The following SUV39H2 variants were observed in gnomAD, a reference collection of about 807,000 sequenced individuals.
SUV39H2 encodes the protein histone-lysine N-methyltransferase SUV39H2.
A neutral mutation model predicts 47.5 loss-of-function variants in SUV39H2; 10 were observed. The observed-to-expected ratio is 0.21, with a 90% CI of 0.13 to 0.36. The LOEUF is 0.36. SUV39H2 is among the 10% of genes least tolerant of loss of function. The pLI, the probability that SUV39H2 is intolerant of heterozygous loss-of-function variation, is 1.00. For missense variants in SUV39H2, 266 were observed against 487.4 expected (o/e 0.55, Z 4.28); for synonymous variants, 159 against 166.8 (o/e 0.95, Z 0.36).
chr10:14,901,434 C>G (rs1259047523), intron 5 of SUV39H2, among the ~76,000 whole-genome samples, 172 bp downstream of exon 5: 2 of 152,180 alleles, frequency 1.3e-5, no homozygotes, highest in Admixed American at 1.3e-4. Flanking sequence ...ATACTAGAAC[C>G]CAGGTCTGCC....
intron 2 of SUV39H2, among the ~76,000 whole-genome samples, chr10:14,895,537 A>G (rs1833548495): frequency 6.6e-6 from 1 of 152,196 alleles, no homozygotes; most frequent in African/African-American, 2.4e-5. Flanking sequence ...GGAGGAAAAC[A>G]TAGTCATTGG....
intron 4 of SUV39H2, 41 bp downstream of exon 4, chr10:14,899,726 C>A: frequency 6.2e-7 from 1 of 1,600,762 alleles, no homozygotes; most frequent in Non-Finnish European, 8.5e-7. Context: ...ACTAACAATT[C>A]AACCTAGTAC....
intron 2 of SUV39H2, among the ~76,000 whole-genome samples, chr10:14,894,928 T>C (rs1363673015): frequency 6.6e-6 from 1 of 152,174 alleles, no homozygotes; most frequent in Non-Finnish European, 1.5e-5. Flanking sequence ...ATAAAAACTT[T>C]CTTAAAATTT....
At chr10:14,895,112 C>G (rs986140983) in intron 2 of SUV39H2, among the ~76,000 whole-genome samples, 4 of 151,984 alleles carry the variant, frequency 2.6e-5, no homozygotes, top group Non-Finnish European at 5.9e-5. Context: ...AAAAAAATTA[C>G]TGAGACTTTA....
chr10:14,896,288 C>T (rs1833603898), intron 2 of SUV39H2, among the ~76,000 whole-genome samples: 1 of 152,158 alleles, frequency 6.6e-6, no homozygotes, highest in Admixed American at 6.5e-5. Context: ...AGATTGGCCA[C>T]ATTTCAAGTT....
chr10:14,893,273 G>T (rs939653413), intron 2 of SUV39H2, among the ~76,000 whole-genome samples: 3 of 152,010 alleles, frequency 2.0e-5, no homozygotes, highest in Non-Finnish European at 2.9e-5. Context: ...AAAGTGCTGG[G>T]ATTACAGGCG....
intron 2 of SUV39H2, among the ~76,000 whole-genome samples, chr10:14,892,135 G>A (rs1833408755): frequency 6.6e-6 from 1 of 152,194 alleles, no homozygotes; most frequent in South Asian, 2.1e-4. Flanking sequence ...GGAGCAAGAA[G>A]GAAGTCTGAG....
intron 2 of SUV39H2, among the ~76,000 whole-genome samples, chr10:14,885,517 C>CT (rs1833180114): frequency 6.6e-6 from 1 of 152,190 alleles, no homozygotes; most frequent in African/African-American, 2.4e-5. Flanking sequence ...ATTAAGGGAG[C>CT]TACCAAGATT....
chr10:14,898,963 G>T, intron 3 of SUV39H2: 1 of 462,788 alleles, frequency 2.2e-6, no homozygotes, highest in Non-Finnish European at 3.8e-6. Context: ...AGCTATAGTT[G>T]TATAGCTTTT....
intron 2 of SUV39H2, among the ~76,000 whole-genome samples, chr10:14,885,598 T>C (rs1267159010): frequency 2.0e-5 from 3 of 152,216 alleles, no homozygotes; most frequent in African/African-American, 7.2e-5. Context: ...TCTTAGTCTT[T>C]CTCATCAGTT....
intron 4 of SUV39H2, 133 bp downstream of exon 4, chr10:14,899,818 C>A: frequency 9.1e-7 from 1 of 1,099,184 alleles, no homozygotes; most frequent in Non-Finnish European, 1.3e-6. Context: ...ATAAGGAGGG[C>A]AGCTTCTGTT....
Position 14,897,068 on chromosome 10 carries a change from A to C in SUV39H2, c.400A>C (p.Arg134=), listed in dbSNP as rs45473500. The change falls in exon 3 of 6, where the codon AGG becomes CGG. Residue 134 remains arginine, a synonymous_variant. Coordinates refer to ENST00000354919, the MANE Select transcript of SUV39H2 (RefSeq NM_001193424.2). The stretch of plus-strand genomic sequence containing the variant: ...GTACATTGTGAAGAAGGCTAAACAA[A>C]GGATAGCTCTGCAGAGATGGCAAGA... ...AEYIVKKAKQ[R]IALQRWQDEL... The C allele has an allele frequency of 0.016, 26,443 of 1,614,062 alleles. 296 individuals are homozygous for C. The highest frequency in any genetic ancestry group is 0.019 in the Non-Finnish European group (22,163 of 1,179,988).
rs957062616 is a variant in SUV39H2 at position 14,879,156 on chromosome 10, C to T, written c.31+237C>T. Reference sequence around the variant, plus strand: ...GGCACTGTCCGAGCCTGGGGCACTTCGGAAGTGGAGCGTGGCCTCTCCGCC... The same window carrying T: ...GGCACTGTCCGAGCCTGGGGCACTTTGGAAGTGGAGCGTGGCCTCTCCGCC... On this transcript the variant is annotated intron_variant, in intron 1 of 5. Coordinates refer to ENST00000354919, the MANE Select transcript of SUV39H2 (RefSeq NM_001193424.2). The T allele has an allele frequency of 1.3e-5, 16 of 1,210,392 alleles. No homozygotes were observed. The African/African-American group carries it at 1.4e-4, about 11-fold the overall frequency. 75.0% of individuals were successfully genotyped at this position (1,210,392 alleles called of 1,614,324 possible).
rs747041710 is a variant in SUV39H2, at chr10:14,897,040, T to C, written c.372T>C (p.Ala124=). The change falls in exon 3 of 6, where the codon GCT becomes GCC. Residue 124 remains alanine (A), a synonymous_variant. Transcript: ENST00000354919. Reference sequence around the variant, plus strand: ...ACAAAACTTTGAAACCTGCCATTGCTGAGTACATTGTGAAGAAGGCTAAAC... The same window carrying C: ...ACAAAACTTTGAAACCTGCCATTGCCGAGTACATTGTGAAGAAGGCTAAAC... ...DNNKTLKPAI[A]EYIVKKAKQR... 10 of 1,614,016 alleles carry C rather than the reference T, an allele frequency of 6.2e-6. No homozygotes were observed. In the African/African-American group the frequency reaches 9.3e-5, roughly 15 times the overall value.
At chr10:14,895,237 C>CA (rs1287545550) in intron 2 of SUV39H2, among the ~76,000 whole-genome samples, 8 of 150,592 alleles carry the variant, frequency 5.3e-5, no homozygotes, top group African/African-American at 2.0e-4. Flanking sequence ...AGTGCAGTGG[C>CA]ACAGTCTTGG....
At chr10:14,886,107 C>T (rs1167400839) in intron 2 of SUV39H2, among the ~76,000 whole-genome samples, 1 of 152,180 alleles carries the variant, frequency 6.6e-6, no homozygotes, top group Admixed American at 6.5e-5. Context: ...TACTGAGCAC[C>T]TGTTATGAGC....
intron 3 of SUV39H2, chr10:14,898,968 G>A (rs1833796993): frequency 2.1e-6 from 1 of 467,764 alleles, no homozygotes; most frequent in South Asian, 4.8e-5. Flanking sequence ...TAGTTGTATA[G>A]CTTTTTGAAC....
intron 3 of SUV39H2, chr10:14,898,062 A>C (rs1833712650): frequency 6.6e-6 from 1 of 151,106 alleles, no homozygotes; most frequent in Non-Finnish European, 1.5e-5. Context: ...AATACTAGCA[A>C]ATTTATTTGT....
intron 4 of SUV39H2, 26 bp from the exon 5 acceptor site, chr10:14,901,107 A>G: frequency 6.2e-7 from 1 of 1,612,480 alleles, no homozygotes; most frequent in Non-Finnish European, 8.5e-7. Flanking sequence ...GTTTGTACTT[A>G]AATGGGTTCT....
Sources: gnomAD v4.1 joint callset for allele counts (sites outside exome capture counted in the v4.1 genomes callset) on GRCh38, gnomAD v4.1.1 for gene constraint, MANE v1.5 for transcripts, NCBI Gene and HGNC (gene_info 2026-07-23, HGNC 2026-07-21) for gene names.